The following PLXDC2 variants were observed in gnomAD, a reference collection of about 807,000 sequenced individuals.
PLXDC2 encodes the protein plexin domain-containing protein 2.
Under a neutral mutation model 68.9 loss-of-function variants are expected in PLXDC2, and 40 were observed. That is an observed-to-expected ratio of 0.58 (90% confidence interval 0.45 to 0.76). The LOEUF is 0.76. PLXDC2 is among the 30% of genes least tolerant of loss of function. PLXDC2 has a pLI of 0.00. For synonymous variants in PLXDC2, 243 were observed against 234.2 expected (o/e 1.04, Z -0.34); for missense variants, 644 against 661.9 (o/e 0.97, Z 0.30).
chr10:19,982,927 A>C (rs1475879611), intron 1 of PLXDC2, among the ~76,000 whole-genome samples: 1 of 152,226 alleles, frequency 6.6e-6, no homozygotes, highest in Non-Finnish European at 1.5e-5. Flanking sequence ...TAAACAGTAC[A>C]TCTGCTAAAA....
At chr10:20,044,756 C>T (rs1208180028) in intron 2 of PLXDC2, among the ~76,000 whole-genome samples, 4 of 152,134 alleles carry the variant, frequency 2.6e-5, no homozygotes, top group African/African-American at 7.2e-5. Context: ...ACCTAAATTC[C>T]TGAATGTCTC....
At position 20,157,072 on chromosome 10, in the gene PLXDC2, T is replaced by C. The variant is rs77086538; in HGVS notation, c.784-7396T>C. On this transcript the variant is annotated intron_variant, in intron 6 of 13. Coordinates refer to ENST00000377252, the MANE Select transcript of PLXDC2 (RefSeq NM_032812.9). ...GTAGCTTGTGCTACAGGTTGTTGTT[T>C]TGATAATAATAAAAGAGATCATGAC... Among the ~76,000 whole-genome samples, 366 of 152,276 alleles carry C rather than the reference T, an allele frequency of 2.4e-3. 2 individuals carry two copies. Among genetic ancestry groups the C allele is most frequent in the African/African-American group, 8.4e-3 (350 of 41,568 alleles).
intron 1 of PLXDC2, among the ~76,000 whole-genome samples, chr10:19,883,071 C>G (rs532656811): frequency 3.6e-4 from 55 of 151,776 alleles, no homozygotes; most frequent in Non-Finnish European, 6.0e-4. Flanking sequence ...GTTCTCCTGC[C>G]TCAGCCTCCC....
chr10:19,890,565 CAG>C (rs1222716143), intron 1 of PLXDC2, among the ~76,000 whole-genome samples: 2 of 138,882 alleles, frequency 1.4e-5, no homozygotes, highest in Non-Finnish European at 3.0e-5. Context: ...TGAGCAGAGA[CAG>C]GGTTTCACCG....
At chr10:20,206,455 C>G (rs1188421110) in intron 9 of PLXDC2, among the ~76,000 whole-genome samples, 1 of 151,884 alleles carries the variant, frequency 6.6e-6, no homozygotes, top group Non-Finnish European at 1.5e-5. Flanking sequence ...ATTGGGTTTG[C>G]CAGTTGGGTA....
intron 12 of PLXDC2, among the ~76,000 whole-genome samples, chr10:20,219,936 T>C (rs143911640): frequency 1.5e-3 from 226 of 152,284 alleles, no homozygotes; most frequent in Middle Eastern, 6.8e-3. Flanking sequence ...CATGTTTTTC[T>C]CTATAATGGT....
intron 6 of PLXDC2, among the ~76,000 whole-genome samples, chr10:20,162,069 AGAGAAGGAAGGAAGGAAGGAAG>A (rs1292081591): frequency 3.5e-4 from 10 of 28,932 alleles, no homozygotes; most frequent in African/African-American, 1.0e-3. Flanking sequence ...AGAGAGAGAG[AGAGAAGGAAGGAAGGAAGGAAG>A]GAAGGAAGGA....
intron 1 of PLXDC2, among the ~76,000 whole-genome samples, chr10:19,974,777 A>C (rs1340908887): frequency 6.6e-6 from 1 of 152,228 alleles, no homozygotes; most frequent in African/African-American, 2.4e-5. Flanking sequence ...CAGTTAAATA[A>C]ATAAGTGAAC....
At chr10:19,820,506 C>T (rs1469223405) in intron 1 of PLXDC2, among the ~76,000 whole-genome samples, 1 of 151,858 alleles carries the variant, frequency 6.6e-6, no homozygotes, top group East Asian at 1.9e-4. Flanking sequence ...CGGTGGCGGG[C>T]GCCTGTAGTC....
intron 4 of PLXDC2, among the ~76,000 whole-genome samples, chr10:20,094,097 G>A (rs1029400046): frequency 6.6e-6 from 1 of 152,106 alleles, no homozygotes; most frequent in African/African-American, 2.4e-5. Context: ...TAAAACTTAG[G>A]AATAGAGGAA....
At chr10:19,908,009 A>G (rs1833198567) in intron 1 of PLXDC2, among the ~76,000 whole-genome samples, 1 of 152,200 alleles carries the variant, frequency 6.6e-6, no homozygotes, top group East Asian at 1.9e-4. Context: ...GTGTTACAAA[A>G]GAGTAATTTC....
At chr10:20,050,549 G>A (rs1232899257) in intron 3 of PLXDC2, among the ~76,000 whole-genome samples, 3 of 151,946 alleles carry the variant, frequency 2.0e-5, no homozygotes, top group Non-Finnish European at 4.4e-5. Flanking sequence ...GCAAAGACAT[G>A]AACAGACACT....
At chr10:19,939,035 G>A (rs923892510) in intron 1 of PLXDC2, among the ~76,000 whole-genome samples, 2 of 152,132 alleles carry the variant, frequency 1.3e-5, no homozygotes, top group Non-Finnish European at 2.9e-5. Context: ...TGTATATAAC[G>A]ATGAGGGAGT....
At chr10:19,937,546 A>G (rs1435921972) in intron 1 of PLXDC2, among the ~76,000 whole-genome samples, 44 of 36,720 alleles carry the variant, frequency 1.2e-3, no homozygotes, top group Middle Eastern at 0.011. Context: ...TAGTCAATGT[A>G]TATATATATA....
chr10:19,931,350 G>A (rs183576597), intron 1 of PLXDC2, among the ~76,000 whole-genome samples: 260 of 152,314 alleles, frequency 1.7e-3, no homozygotes, highest in African/African-American at 6.0e-3. Flanking sequence ...GACCCAGGCT[G>A]TGAGCCAAGC....
chr10:19,994,312 ATTTTTTTTTTTTTTTT>A (rs869124443), intron 1 of PLXDC2, among the ~76,000 whole-genome samples: 4 of 34,310 alleles, frequency 1.2e-4, no homozygotes, highest in Admixed American at 4.3e-4. Flanking sequence ...ACATGATTAA[ATTTTTTTTTTTTTTTT>A]TTTTTTTTTT....
intron 1 of PLXDC2, among the ~76,000 whole-genome samples, chr10:19,901,128 T>A (rs987144552): frequency 3.9e-5 from 6 of 152,118 alleles, no homozygotes; most frequent in Non-Finnish European, 5.9e-5. Flanking sequence ...ATTGTGCTGC[T>A]ATAAACATGT....
At chr10:20,072,403 GA>G (rs1836335133) in intron 4 of PLXDC2, among the ~76,000 whole-genome samples, 1 of 125,548 alleles carries the variant, frequency 8.0e-6, no homozygotes, top group Admixed American at 7.9e-5. Context: ...AAAGAAAGAA[GA>G]AAGAAAGAGG....
In PLXDC2 at chr10:19,974,251, A is replaced by T. The variant is rs116210519; in HGVS notation, c.113-27524A>T. 8.8e-3 allele frequency among the ~76,000 whole-genome samples: 1,347 copies of T among 152,326 alleles called. 26 individuals are homozygous for T. The highest frequency in any genetic ancestry group is 0.031 in the African/African-American group (1,273 of 41,564). ...GCATCAGGAAGTAGGTAAGTGGCCA[A>T]TTTCTCATGTAGTTCCACAATCTTC... On this transcript the variant is annotated intron_variant, in intron 1 of 13. Coordinates refer to ENST00000377252, the MANE Select transcript of PLXDC2 (RefSeq NM_032812.9).
Sources: gnomAD v4.1 joint callset for allele counts (sites outside exome capture counted in the v4.1 genomes callset) on GRCh38, gnomAD v4.1.1 for gene constraint, MANE v1.5 for transcripts, NCBI Gene and HGNC (gene_info 2026-07-23, HGNC 2026-07-21) for gene names.